GRIA2: variants seen among roughly 807,000 people sequenced by gnomAD.
GRIA2 encodes glutamate receptor 2.
GRIA2 carries 14 observed loss-of-function variants against 97.3 expected under a neutral mutation model. The ratio of observed to expected loss-of-function variants is 0.14; its 90% CI spans 0.10 to 0.23. The LOEUF (loss-of-function observed/expected upper bound fraction) is 0.23. GRIA2 is among the 10% of genes least tolerant of loss of function. The pLI, the probability that GRIA2 is intolerant of heterozygous loss-of-function variation, is 1.00. For missense variants in GRIA2, 558 were observed against 1,069.8 expected, an observed-to-expected ratio of 0.52 and a Z score of 6.67; for synonymous variants, 412 against 387.8, an observed-to-expected ratio of 1.06 and a Z score of -0.73.
intron 2 of GRIA2, among the ~76,000 whole-genome samples, chr4:157,292,660 T>G (rs201059728): frequency 6.6e-6 from 1 of 151,920 alleles, no homozygotes; most frequent in Admixed American, 6.6e-5. Context: ...TAAAAAGAAG[T>G]GTACAAAATC....
At chr4:157,360,696 GT>G (rs375163206) in intron 13 of GRIA2, 495 of 414,426 alleles carry the variant, frequency 1.2e-3, no homozygotes, top group Admixed American at 1.7e-3. Context: ...TTTGTCGTTT[GT>G]TTTTTTTTTA....
intron 12 of GRIA2, chr4:157,342,503 A>G (rs184125983): frequency 1.4e-5 from 14 of 967,024 alleles, no homozygotes; most frequent in East Asian, 1.1e-4. Context: ...AAAAATGTGG[A>G]CCATCAGCAG....
chr4:157,308,941 T>C (rs905204325), intron 3 of GRIA2, among the ~76,000 whole-genome samples: 5 of 152,130 alleles, frequency 3.3e-5, no homozygotes, highest in Non-Finnish European at 7.4e-5. Context: ...AATATAAAAC[T>C]TTTAGTTGTG....
chr4:157,328,790 G>A (rs142520595), intron 6 of GRIA2, among the ~76,000 whole-genome samples: 173 of 152,064 alleles, frequency 1.1e-3, no homozygotes, highest in South Asian at 1.9e-3. Flanking sequence ...GCAAAAATAT[G>A]TTGTTTTACA....
intron 11 of GRIA2, among the ~76,000 whole-genome samples, chr4:157,338,051 C>T (rs796461395): frequency 0.26 from 3,137 of 12,270 alleles, 44 homozygotes; most frequent in South Asian, 0.41. Flanking sequence ...TATATATATA[C>T]ACACACATTT....
rs533278946 is a variant in GRIA2, at chr4:157,365,477, G to A, written c.*2046G>A. 6.6e-6 allele frequency: 1 copy of A among 151,940 alleles called. No individual in the cohort carries two copies. The highest frequency in any genetic ancestry group is 2.4e-5 in the African/African-American group (1 of 41,472). The allele number at this position is 151,940 out of a possible 1,614,324, so 9.4% of individuals were successfully genotyped here. A position where few individuals can be genotyped will look rare whatever the true frequency, so the allele number is the denominator to read the frequency against. ...ACTCTTCTAAAAATTGTAGCTTATC[G>A]ATTTTTCTCTGTCAAGCTTGAACTA... is the stretch of plus-strand genomic sequence containing the variant. On this transcript the variant is annotated 3_prime_UTR_variant, in exon 16 of 16. Coordinates refer to ENST00000264426, the MANE Select transcript of GRIA2 (RefSeq NM_001083619.3).
intron 12 of GRIA2, among the ~76,000 whole-genome samples, chr4:157,355,827 AT>A (rs1736266151): frequency 1.3e-5 from 1 of 75,354 alleles, no homozygotes; most frequent in African/African-American, 4.2e-5. Flanking sequence ...ATATATATTT[AT>A]ATATATTTTT....
intron 2 of GRIA2, among the ~76,000 whole-genome samples, chr4:157,244,071 CCTGAG>C (rs1248833322): frequency 8.6e-5 from 13 of 151,980 alleles, no homozygotes; most frequent in Admixed American, 5.9e-4. Context: ...GGAGGTAAGA[CCTGAG>C]CTGAGACCAG....
chr4:157,249,536 C>T, intron 2 of GRIA2: 1 of 152,112 alleles, frequency 6.6e-6, no homozygotes, highest in East Asian at 1.9e-4. Flanking sequence ...AAAGGTGACA[C>T]AGTTATTTAT....
chr4:157,309,215 G>A (rs1733965568), intron 3 of GRIA2, among the ~76,000 whole-genome samples: 1 of 152,038 alleles, frequency 6.6e-6, no homozygotes, highest in Non-Finnish European at 1.5e-5. Flanking sequence ...TAATATGTAA[G>A]TTTTGTTAGG....
intron 12 of GRIA2, among the ~76,000 whole-genome samples, chr4:157,355,753 C>T (rs187931097): frequency 0.22 from 9,824 of 45,260 alleles, 634 homozygotes; most frequent in East Asian, 0.35. Flanking sequence ...TATATATTTA[C>T]ATATATTAGT....
At chr4:157,333,892 A>T (rs1735168486) in intron 8 of GRIA2, 118 bp from the exon 9 acceptor site, 1 of 620,794 alleles carries the variant, frequency 1.6e-6, no homozygotes, top group East Asian at 2.6e-5. Flanking sequence ...TCTATTTAGA[A>T]CAAGTCCAGT....
At chr4:157,233,921 G>A (rs1730131280) in intron 2 of GRIA2, among the ~76,000 whole-genome samples, 1 of 152,050 alleles carries the variant, frequency 6.6e-6, no homozygotes, top group Non-Finnish European at 1.5e-5. Context: ...TTTGTTCTTA[G>A]CTGCTATAAA....
At chr4:157,304,184 T>C (rs1394157383) in intron 3 of GRIA2, among the ~76,000 whole-genome samples, 1 of 152,192 alleles carries the variant, frequency 6.6e-6, no homozygotes, top group Admixed American at 6.5e-5. Flanking sequence ...TATTGTTATA[T>C]GCAAAAGTTT....
At chr4:157,347,335 C>G (rs1292291286) in intron 12 of GRIA2, among the ~76,000 whole-genome samples, 1 of 152,134 alleles carries the variant, frequency 6.6e-6, no homozygotes, top group East Asian at 1.9e-4. Flanking sequence ...TGTAACCATG[C>G]AATTGTGTCT....
intron 2 of GRIA2, among the ~76,000 whole-genome samples, chr4:157,271,876 A>G (rs1437794451): frequency 6.6e-6 from 1 of 152,102 alleles, no homozygotes; most frequent in Non-Finnish European, 1.5e-5. Context: ...TTTGTCAAGA[A>G]ACAGGGTTGA....
chr4:157,348,960 A>G (rs936846252), intron 12 of GRIA2, among the ~76,000 whole-genome samples: 11 of 152,186 alleles, frequency 7.2e-5, no homozygotes, highest in African/African-American at 2.7e-4. Flanking sequence ...TCATTGTCCT[A>G]TATAATTTTG....
At chr4:157,333,494 T>C (rs1735151090) in intron 8 of GRIA2, 141 bp downstream of exon 8, 2 of 433,564 alleles carry the variant, frequency 4.6e-6, no homozygotes, top group Admixed American at 8.1e-5. Context: ...TTTTGAAGTT[T>C]TTTTTTCCTA....
At chr4:157,317,608 C>A (rs751647033) in intron 4 of GRIA2, 50 bp from the exon 5 acceptor site, 1 of 723,558 alleles carries the variant, frequency 1.4e-6, no homozygotes, top group Non-Finnish European at 2.4e-6. Flanking sequence ...ATTAATTTTA[C>A]ACTTGCATTA....
Sources: allele counts gnomAD v4.1 joint callset (sites outside exome capture counted in the v4.1 genomes callset), GRCh38; gene constraint gnomAD v4.1.1; transcripts MANE v1.5; gene names NCBI Gene and HGNC (gene_info 2026-07-23, HGNC 2026-07-21).